The following NOPCHAP1 variants were observed in gnomAD, a reference collection of about 807,000 sequenced individuals.
NOPCHAP1 encodes the protein DNA damage-sensitive RNA 1.
NOPCHAP1 carries 13 observed loss-of-function variants against 14.0 expected under a neutral mutation model. The observed-to-expected ratio is 0.93, with a 90% CI of 0.60 to 1.47. The LOEUF is 1.47. Among genes scored for constraint, NOPCHAP1 ranks in the 40% most tolerant of loss-of-function variants. The pLI, the probability that NOPCHAP1 is intolerant of heterozygous loss-of-function variation, is 0.00. For missense variants in NOPCHAP1, 230 were observed against 226.9 expected (o/e 1.01, Z -0.09); for synonymous variants, 78 against 78.4 (o/e 1.00, Z 0.03).
rs925041814 is a variant in NOPCHAP1 at position 105,012,293 on chromosome 12, T to C, written c.*17597T>C. 26 of 152,238 alleles carry C rather than the reference T, an allele frequency of 1.7e-4. No individual in the cohort carries two copies. The highest frequency in any genetic ancestry group is 1.6e-3 in the Admixed American group (24 of 15,284). 9.4% of individuals were successfully genotyped at this position (152,238 alleles called of 1,614,324 possible). On this transcript the variant is annotated 3_prime_UTR_variant, in exon 4 of 4. Transcript: ENST00000552951. Reference sequence around the variant, plus strand: ...TGATCGATTAGGCCATTGATACTTGTGTATGCTTCACGAAGTTCTTGGGCT... The same window carrying C: ...TGATCGATTAGGCCATTGATACTTGCGTATGCTTCACGAAGTTCTTGGGCT...
Position 105,010,854 on chromosome 12 carries a change from T to C in NOPCHAP1, c.*16158T>C, listed in dbSNP as rs1309177680. ...TGGTCTGAGAGACCATTTGTTATGA[T>C]TTCCGTTCTTTTGCATTTAGCTGAG... On this transcript the variant is annotated 3_prime_UTR_variant, in exon 4 of 4. Coordinates refer to ENST00000552951, the MANE Select transcript of NOPCHAP1 (RefSeq NM_152318.3). 1 of 152,246 alleles carries C rather than the reference T, an allele frequency of 6.6e-6. No individual in the cohort carries two copies. The highest frequency in any genetic ancestry group is 1.5e-5 in the Non-Finnish European group (1 of 68,030). 9.4% of individuals were successfully genotyped at this position (152,246 alleles called of 1,614,324 possible).
rs1306591595 is a variant in NOPCHAP1, at chr12:105,016,362, G to T, written c.*21666G>T. 6.6e-6 allele frequency: 1 copy of T among 152,218 alleles called. No homozygotes were observed. Among genetic ancestry groups the T allele is most frequent in the Admixed American group, 6.5e-5 (1 of 15,282 alleles). 9.4% of individuals were successfully genotyped at this position (152,218 alleles called of 1,614,324 possible). A position where few individuals can be genotyped will look rare whatever the true frequency, so the allele number is the denominator to read the frequency against. The stretch of plus-strand genomic sequence containing the variant: ...TGAGCCCTTTCTGTGTTAGCTACTA[G>T]TCTAAGAGTTACCACCACTCATACA... On this transcript the variant is annotated 3_prime_UTR_variant, in exon 4 of 4. Coordinates refer to ENST00000552951, the MANE Select transcript of NOPCHAP1 (RefSeq NM_152318.3).
At chr12:104,991,227 G>A (rs1296311129) in intron 2 of NOPCHAP1, among the ~76,000 whole-genome samples, 1 of 152,182 alleles carries the variant, frequency 6.6e-6, no homozygotes, top group Non-Finnish European at 1.5e-5. Context: ...GGGCAAGAGT[G>A]ACTAAGAGTG....
At position 104,991,213 on chromosome 12, in the gene NOPCHAP1, T is replaced by C. The variant is rs146224572; in HGVS notation, c.203-499T>C. Among the ~76,000 whole-genome samples, 134 of 152,014 alleles carry C rather than the reference T, an allele frequency of 8.8e-4. No homozygotes were observed. In the East Asian group the frequency reaches 9.7e-3, roughly 11 times the overall value. On this transcript the variant is annotated intron_variant, in intron 2 of 3. Transcript: ENST00000552951. Reference sequence around the variant, plus strand: ...ATGGAGGATGTAGGCATGTATGGGGTGAGGGGCAAGAGTGACTAAGAGTGA... The same window carrying C: ...ATGGAGGATGTAGGCATGTATGGGGCGAGGGGCAAGAGTGACTAAGAGTGA...
At position 104,991,695 on chromosome 12, in the gene NOPCHAP1, G is replaced by A. The variant is rs748956426; in HGVS notation, c.203-17G>A. On this transcript the variant is annotated splice_polypyrimidine_tract_variant and intron_variant, in intron 2 of 3. Coordinates refer to ENST00000552951, the MANE Select transcript of NOPCHAP1 (RefSeq NM_152318.3). The stretch of plus-strand genomic sequence containing the variant: ...TTACTAGCATAAATGTTGATATGCT[G>A]TATTTACTTTCCACAGTATTGGACC... 3 of 1,586,588 alleles carry A rather than the reference G, an allele frequency of 1.9e-6. No homozygotes were observed. Among genetic ancestry groups the A allele is most frequent in the South Asian group, 1.2e-5 (1 of 85,644 alleles).
rs780588106 is a variant in NOPCHAP1, at chr12:105,013,917, C to T, written c.*19221C>T. 1 of 152,602 alleles carries T rather than the reference C, an allele frequency of 6.6e-6. No homozygotes were observed. Among genetic ancestry groups the T allele is most frequent in the African/African-American group, 2.4e-5 (1 of 41,454 alleles). The allele number at this position is 152,602 out of a possible 1,614,324, so 9.5% of individuals were successfully genotyped here. A position where few individuals can be genotyped will look rare whatever the true frequency, so the allele number is the denominator to read the frequency against. On this transcript the variant is annotated 3_prime_UTR_variant, in exon 4 of 4. Coordinates refer to ENST00000552951, the MANE Select transcript of NOPCHAP1 (RefSeq NM_152318.3). ...AGTTGGAAATGCAGAAATCGCTTGCCTTCTGCGTTGATCTCGCTGGGAGCT... is the reference window on the plus strand; with the variant it reads ...AGTTGGAAATGCAGAAATCGCTTGCTTTCTGCGTTGATCTCGCTGGGAGCT...
intron 1 of NOPCHAP1, among the ~76,000 whole-genome samples, chr12:104,986,786 T>C (rs530810525): frequency 1.3e-5 from 2 of 152,202 alleles, no homozygotes; most frequent in Non-Finnish European, 2.9e-5. Flanking sequence ...CGAGTTCTTT[T>C]GGGGAAGGGA....
rs959123476 is a variant in NOPCHAP1, at chr12:105,015,599, C to T, written c.*20903C>T. ...GATGAAATCTTAGGCTGTCCCACTTCGTCTCGCCTGGGATGTGAATTGTCC... is the reference window on the plus strand; with the variant it reads ...GATGAAATCTTAGGCTGTCCCACTTTGTCTCGCCTGGGATGTGAATTGTCC... On this transcript the variant is annotated 3_prime_UTR_variant, in exon 4 of 4. Coordinates refer to ENST00000552951, the MANE Select transcript of NOPCHAP1 (RefSeq NM_152318.3). The T allele has an allele frequency of 7.2e-5, 11 of 152,204 alleles. No individual in the cohort carries two copies. Among genetic ancestry groups the T allele is most frequent in the Admixed American group, 3.9e-4 (6 of 15,288 alleles). The allele number at this position is 152,204 out of a possible 1,614,324, so 9.4% of individuals were successfully genotyped here.
rs1377041605 is a variant in NOPCHAP1 at position 105,015,666 on chromosome 12, T to TA, written c.*20971dup. Reference sequence around the variant, plus strand: ...CACGCTGTATATGTTACCCACCGTTTAGTCACTTAGCAGCCATCTGGATTC... The same window carrying TA: ...CACGCTGTATATGTTACCCACCGTTTAAGTCACTTAGCAGCCATCTGGATTC... On this transcript the variant is annotated 3_prime_UTR_variant, in exon 4 of 4. Coordinates refer to ENST00000552951, the MANE Select transcript of NOPCHAP1 (RefSeq NM_152318.3). 6.6e-6 allele frequency: 1 copy of TA among 152,266 alleles called. No homozygotes were observed. The highest frequency in any genetic ancestry group is 2.4e-5 in the African/African-American group (1 of 41,474). 9.4% of individuals were successfully genotyped at this position (152,266 alleles called of 1,614,324 possible).
rs768714117 is a variant in NOPCHAP1, at chr12:104,995,583, C to A, written c.*887C>A. ...GTCATAAAATAAGATTTTTCCCTAT[C>A]TGTGCATTAGTTTTAAATTCCATAT... On this transcript the variant is annotated 3_prime_UTR_variant, in exon 4 of 4. Coordinates refer to ENST00000552951, the MANE Select transcript of NOPCHAP1 (RefSeq NM_152318.3). The A allele has an allele frequency of 2.6e-5, 4 of 152,186 alleles. No individual in the cohort carries two copies. Among genetic ancestry groups the A allele is most frequent in the Admixed American group, 6.5e-5 (1 of 15,282 alleles). The allele number at this position is 152,186 out of a possible 1,614,324, so 9.4% of individuals were successfully genotyped here.
rs1873593372 is a variant in NOPCHAP1, at chr12:105,000,789, G to T, written c.*6093G>T. ...GTCCTCCATTGATAGATCGTGAAAG[G>T]CTTTTTTTTTAACCTGGTGAAAATA... is the stretch of plus-strand genomic sequence containing the variant. On this transcript the variant is annotated 3_prime_UTR_variant, in exon 4 of 4. Transcript: ENST00000552951. 1.3e-5 allele frequency: 2 copies of T among 151,884 alleles called. No homozygotes were observed. Among genetic ancestry groups the T allele is most frequent in the Non-Finnish European group, 2.9e-5 (2 of 67,964 alleles). 9.4% of individuals were successfully genotyped at this position (151,884 alleles called of 1,614,324 possible). A position where few individuals can be genotyped will look rare whatever the true frequency, so the allele number is the denominator to read the frequency against.
rs570803280 is a variant in NOPCHAP1 at position 105,005,499 on chromosome 12, T to A, written c.*10803T>A. The A allele has an allele frequency of 6.6e-6, 1 of 152,308 alleles. No individual in the cohort carries two copies. The highest frequency in any genetic ancestry group is 2.1e-4 in the South Asian group (1 of 4,826). 9.4% of individuals were successfully genotyped at this position (152,308 alleles called of 1,614,324 possible). ...GTTACACCCTATGCAAACATCTGAT[T>A]GGTTGTGGAAGGTGAAGTGAAGTTA... On this transcript the variant is annotated 3_prime_UTR_variant, in exon 4 of 4. Transcript: ENST00000552951.
At chr12:104,994,277 G>T (rs905642219) in intron 3 of NOPCHAP1, among the ~76,000 whole-genome samples, 7 of 152,188 alleles carry the variant, frequency 4.6e-5, no homozygotes, top group African/African-American at 1.7e-4. Flanking sequence ...AGCCCAGGAG[G>T]CGGAGGGGGC....
In NOPCHAP1 at chr12:104,994,560, AC is replaced by A; in HGVS notation, c.423del (p.Asn141LysfsTer18). On this transcript the variant is annotated frameshift_variant, in exon 4 of 4. Coordinates refer to ENST00000552951, the MANE Select transcript of NOPCHAP1 (RefSeq NM_152318.3). LOFTEE classifies it high-confidence loss of function. ...GAGAGTTCACAAGACAGTTCAGAGA[AC>A]AGTTCAGAATCAGAAGACGAAGATG... is the stretch of plus-strand genomic sequence containing the variant. ...SEESSQDSSE[N>X]SSESEDEDDS... 1.2e-6 allele frequency: 2 copies of A among 1,613,080 alleles called. No individual in the cohort carries two copies. The highest frequency in any genetic ancestry group is 1.7e-6 in the Non-Finnish European group (2 of 1,179,390).
At chr12:104,994,202 G>T (rs1335240025) in intron 3 of NOPCHAP1, among the ~76,000 whole-genome samples, 1 of 152,116 alleles carries the variant, frequency 6.6e-6, no homozygotes, top group African/African-American at 2.4e-5. Flanking sequence ...AAAATTAGCT[G>T]GATGTGATGG....
intron 1 of NOPCHAP1, 85 bp from the exon 2 acceptor site, chr12:104,988,082 A>G: frequency 1.3e-5 from 14 of 1,075,360 alleles, no homozygotes; most frequent in Non-Finnish European, 1.8e-5. Flanking sequence ...AAGTCTTAAG[A>G]CTGGTCATGT....
rs1592750754 is a variant in NOPCHAP1, at chr12:105,002,185, T to C, written c.*7489T>C. 6.6e-6 allele frequency: 1 copy of C among 152,206 alleles called. No individual in the cohort carries two copies. The highest frequency in any genetic ancestry group is 1.9e-4 in the East Asian group (1 of 5,196). 9.4% of individuals were successfully genotyped at this position (152,206 alleles called of 1,614,324 possible). A position where few individuals can be genotyped will look rare whatever the true frequency, so the allele number is the denominator to read the frequency against. On this transcript the variant is annotated 3_prime_UTR_variant, in exon 4 of 4. Transcript: ENST00000552951. ...GGTCTAAGATCTCTTGGTTTTAGCT[T>C]AAAATAAGGGAGAGGAAGTCCCTTT...
rs1175827034 is a variant in NOPCHAP1, at chr12:105,008,852, TG to T, written c.*14158del. The T allele has an allele frequency of 6.6e-6, 1 of 152,238 alleles. No individual in the cohort carries two copies. Among genetic ancestry groups the T allele is most frequent in the Non-Finnish European group, 1.5e-5 (1 of 68,042 alleles). The allele number at this position is 152,238 out of a possible 1,614,324, so 9.4% of individuals were successfully genotyped here. ...GTTCTGTTGGCCTGTATATCTCTTT[TG>T]GTGCCAGTACTGTGCTGTTTTGGTT... is the stretch of plus-strand genomic sequence containing the variant. On this transcript the variant is annotated 3_prime_UTR_variant, in exon 4 of 4. Transcript: ENST00000552951.
chr12:104,996,906 C>T lies in NOPCHAP1; in HGVS notation c.*2210C>T, dbSNP rs1451953738. The T allele has an allele frequency of 6.6e-6, 1 of 152,162 alleles. No individual in the cohort carries two copies. The highest frequency in any genetic ancestry group is 6.5e-5 in the Admixed American group (1 of 15,280). The allele number at this position is 152,162 out of a possible 1,614,324, so 9.4% of individuals were successfully genotyped here. ...TATGTTTTGTCTGAAATTAAAATAG[C>T]AACCCCTGCCTTTTTCTTTCTGTTT... On this transcript the variant is annotated 3_prime_UTR_variant, in exon 4 of 4. Transcript: ENST00000552951.
Sources: allele counts gnomAD v4.1 joint callset (sites outside exome capture counted in the v4.1 genomes callset), GRCh38; gene constraint gnomAD v4.1.1; transcripts MANE v1.5; gene names NCBI Gene and HGNC (gene_info 2026-07-23, HGNC 2026-07-21).